Variants in CSMD2 observed in about 807,000 individuals in gnomAD.
CSMD2 encodes CUB and sushi domain-containing protein 2.
CSMD2 carries 130 observed loss-of-function variants against 398.5 expected under a neutral mutation model. That is an observed-to-expected ratio of 0.33 (90% CI 0.28 to 0.38). CSMD2 has a LOEUF of 0.38. Among genes scored for constraint, CSMD2 ranks in the 10% least tolerant of loss-of-function variants. The pLI is 1.00. For synonymous variants in CSMD2, 1,828 were observed against 1,908.5 expected, an observed-to-expected ratio of 0.96 and a Z score of 1.10; for missense variants, 3,829 against 4,764.9, an observed-to-expected ratio of 0.80 and a Z score of 5.78.
intron 25 of CSMD2, among the ~76,000 whole-genome samples, chr1:33,689,426 C>A (rs1387513885): frequency 6.6e-6 from 1 of 152,064 alleles, no homozygotes; most frequent in Non-Finnish European, 1.5e-5. Flanking sequence ...CTCAGCATGC[C>A]CCCCATGACT....
At position 34,038,944 on chromosome 1, in the gene CSMD2, C is replaced by T. The variant is rs187324752; in HGVS notation, c.405-6238G>A. On this transcript the variant is annotated intron_variant, in intron 2 of 70. Transcript: ENST00000373381. Reference sequence around the variant, plus strand: ...TTCAGTTCCTTCAATTTGCCATGCCCCATCTTCAGGGTCTTTGCACGCACT... The same window carrying T: ...TTCAGTTCCTTCAATTTGCCATGCCTCATCTTCAGGGTCTTTGCACGCACT... Among the ~76,000 whole-genome samples, 288 of 152,304 alleles carry T rather than the reference C, an allele frequency of 1.9e-3. 2 individuals are homozygous for T. Among genetic ancestry groups the T allele is most frequent in the African/African-American group, 6.6e-3 (275 of 41,566 alleles).
intron 3 of CSMD2, among the ~76,000 whole-genome samples, chr1:33,967,150 G>T (rs1031270535): frequency 1.3e-5 from 2 of 151,882 alleles, no homozygotes; most frequent in African/African-American, 2.4e-5. Flanking sequence ...TTTTAGTGGA[G>T]AATTGATTTT....
chr1:33,976,389 AACT>A (rs1393935146), intron 3 of CSMD2, among the ~76,000 whole-genome samples: 1 of 152,210 alleles, frequency 6.6e-6, no homozygotes, highest in Non-Finnish European at 1.5e-5. Flanking sequence ...CCTAGGGTGT[AACT>A]TTAGCCCCGG....
At chr1:33,987,498 C>T (rs1361067458) in intron 3 of CSMD2, among the ~76,000 whole-genome samples, 1 of 152,168 alleles carries the variant, frequency 6.6e-6, no homozygotes, top group African/African-American at 2.4e-5. Flanking sequence ...AATGTCCTAA[C>T]CAGTATATTA....
chr1:33,521,922 T>C (rs58684401), intron 67 of CSMD2, among the ~76,000 whole-genome samples: 4,722 of 152,242 alleles, frequency 0.031, 233 homozygotes, highest in African/African-American at 0.1. Context: ...TTATAGGCCT[T>C]ACATGCATGG....
chr1:34,059,925 C>T (rs556432741), intron 2 of CSMD2, among the ~76,000 whole-genome samples: 1 of 152,200 alleles, frequency 6.6e-6, no homozygotes, highest in Non-Finnish European at 1.5e-5. Flanking sequence ...ATTCAAATGT[C>T]CCTTTCACCC....
rs1411795193 is a variant in CSMD2 at position 33,624,410 on chromosome 1, C to T, written c.5625+109G>A. ...AGGGCTGATATGTCTCTTCCTGGCT[C>T]ACCCTGACTCAGGCCTTGGCACCAG... On this transcript the variant is annotated intron_variant, in intron 35 of 70. Coordinates refer to ENST00000373381, the MANE Select transcript of CSMD2 (RefSeq NM_001281956.2). This position sits in a 1 kb window ranked among gnomAD's most constrained non-coding sequence, Gnocchi z 4.7. The T allele has an allele frequency of 7.8e-6, 11 of 1,404,540 alleles. No homozygotes were observed. Among genetic ancestry groups the T allele is most frequent in the South Asian group, 6.5e-5 (5 of 77,136 alleles). 87.0% of individuals were successfully genotyped at this position (1,404,540 alleles called of 1,614,324 possible).
At chr1:33,532,503 C>T (rs1249165563) in intron 64 of CSMD2, among the ~76,000 whole-genome samples, 2 of 152,198 alleles carry the variant, frequency 1.3e-5, no homozygotes, top group African/African-American at 4.8e-5. Context: ...CTCATTCCTA[C>T]AGCATTTGGC....
At chr1:33,547,859 G>A (rs1300439620) in intron 56 of CSMD2, among the ~76,000 whole-genome samples, 2 of 152,166 alleles carry the variant, frequency 1.3e-5, no homozygotes, top group Admixed American at 1.3e-4. Flanking sequence ...TGTAAAATAG[G>A]CACAAGATGG....
chr1:33,816,993 T>G (rs1331160982), intron 9 of CSMD2, among the ~76,000 whole-genome samples: 2 of 152,220 alleles, frequency 1.3e-5, no homozygotes, highest in Non-Finnish European at 2.9e-5. Context: ...TTTGGTAACC[T>G]GCTTGTTAGT....
At chr1:33,927,406 T>C (rs569244103) in intron 4 of CSMD2, among the ~76,000 whole-genome samples, 16 of 152,306 alleles carry the variant, frequency 1.1e-4, no homozygotes, top group African/African-American at 3.8e-4. Context: ...GGTATTTGAT[T>C]ACATGACACT....
intron 24 of CSMD2, among the ~76,000 whole-genome samples, chr1:33,696,994 A>T (rs1351662579): frequency 6.6e-6 from 1 of 152,210 alleles, no homozygotes; most frequent in Non-Finnish European, 1.5e-5. Context: ...TCAAATACAC[A>T]GCCTCAATCC....
At chr1:33,525,130 A>C (rs1654659189) in intron 65 of CSMD2, 87 bp from the exon 66 acceptor site, 1 of 1,370,400 alleles carries the variant, frequency 7.3e-7, no homozygotes, top group African/African-American at 1.4e-5. Flanking sequence ...CAGCCCACTC[A>C]CTGGGATTGT....
chr1:33,642,373 AAAC>A (rs1253049093), intron 29 of CSMD2, among the ~76,000 whole-genome samples: 27 of 151,826 alleles, frequency 1.8e-4, no homozygotes, highest in Admixed American at 4.6e-4. Flanking sequence ...AAAGGAAAGA[AAAC>A]AACAACAACA....
intron 4 of CSMD2, among the ~76,000 whole-genome samples, chr1:33,934,426 A>G (rs1644404921): frequency 6.6e-6 from 1 of 152,216 alleles, no homozygotes; most frequent in Admixed American, 6.5e-5. Flanking sequence ...AGTAAATGAG[A>G]AGGGAAAAGG....
intron 13 of CSMD2, among the ~76,000 whole-genome samples, chr1:33,748,721 C>T (rs1171485018): frequency 1.3e-5 from 2 of 151,960 alleles, no homozygotes; most frequent in Admixed American, 6.6e-5. Context: ...TACTTTATGT[C>T]CAAAAGCATG....
intron 1 of CSMD2, among the ~76,000 whole-genome samples, chr1:34,152,299 C>T (rs1035348318): frequency 6.6e-6 from 1 of 152,194 alleles, no homozygotes; most frequent in African/African-American, 2.4e-5. Context: ...GCCAGGGCAC[C>T]AGGTAGAGGA....
At chr1:33,700,796 T>C in intron 22 of CSMD2, 123 bp from the exon 23 acceptor site, 3 of 913,170 alleles carry the variant, frequency 3.3e-6, no homozygotes, top group Non-Finnish European at 5.1e-6. Context: ...AGAGGCACAG[T>C]GAGTTATCAG....
intron 23 of CSMD2, 114 bp downstream of exon 23, chr1:33,700,403 A>T: frequency 8.7e-7 from 1 of 1,153,716 alleles, no homozygotes; most frequent in Non-Finnish European, 1.3e-6. Context: ...ATTGGATTTT[A>T]AAACAGTCTT....
Sources: allele counts gnomAD v4.1 joint callset (sites outside exome capture counted in the v4.1 genomes callset), GRCh38; gene constraint gnomAD v4.1.1; non-coding constraint Gnocchi (gnomAD v3.1); transcripts MANE v1.5; gene names NCBI Gene and HGNC (gene_info 2026-07-23, HGNC 2026-07-21).